The following SYT16 variants were observed in gnomAD, a reference collection of about 807,000 sequenced individuals.
SYT16 encodes synaptotagmin 16.
A neutral mutation model predicts 61.4 loss-of-function variants in SYT16; 42 were observed. The ratio of observed to expected loss-of-function variants is 0.68; its 90% CI spans 0.53 to 0.89. The LOEUF is 0.89. Ranked by LOEUF, SYT16 falls within the 40% of genes least tolerant of loss-of-function variation. The pLI is 0.00. For missense variants in SYT16, 804 were observed against 807.3 expected, an observed-to-expected ratio of 1.00 and a Z score of 0.05; for synonymous variants, 314 against 302.3, an observed-to-expected ratio of 1.04 and a Z score of -0.40.
At chr14:62,048,054 C>T (rs1404670647) in intron 3 of SYT16, among the ~76,000 whole-genome samples, 1 of 152,200 alleles carries the variant, frequency 6.6e-6, no homozygotes, top group Non-Finnish European at 1.5e-5. Context: ...AGGAATGGTA[C>T]CAGTTCCTCC....
At chr14:62,099,582 G>C (rs767736064) in intron 7 of SYT16, among the ~76,000 whole-genome samples, 6 of 152,182 alleles carry the variant, frequency 3.9e-5, no homozygotes, top group African/African-American at 4.8e-5. Context: ...GTATTCAGCT[G>C]GATCTCGAGT....
At chr14:61,928,732 G>T (rs568548887) in intron 1 of SYT16, among the ~76,000 whole-genome samples, 5 of 152,176 alleles carry the variant, frequency 3.3e-5, no homozygotes. Context: ...TAAGCACACC[G>T]GAGGTGTCTG....
intron 1 of SYT16, among the ~76,000 whole-genome samples, chr14:61,885,964 A>T (rs1390116994): frequency 1.2e-4 from 17 of 138,046 alleles, no homozygotes; most frequent in Non-Finnish European, 2.5e-4. Context: ...GGCTGTGGCA[A>T]TTTTTTTTTT....
chr14:61,943,239 A>G lies in SYT16; in HGVS notation c.-324-26893A>G, dbSNP rs111552657. 6.6e-3 allele frequency among the ~76,000 whole-genome samples: 998 copies of G among 152,330 alleles called. 13 individuals are homozygous for G. The highest frequency in any genetic ancestry group is 0.023 in the African/African-American group (940 of 41,572). ...AAGTTCTGAAATTGAGGTAGTAATT[A>G]ATAGCCTACCAACCAAAAAAAGCCC... On this transcript the variant is annotated intron_variant, in intron 1 of 7. Transcript: ENST00000683842.
chr14:62,081,795 T>G (rs1488166219), intron 6 of SYT16, among the ~76,000 whole-genome samples: 1 of 152,190 alleles, frequency 6.6e-6, no homozygotes. Context: ...TTTACATGCC[T>G]ACAGGATGGG....
intron 6 of SYT16, 66 bp downstream of exon 6, chr14:62,081,340 G>A: frequency 6.7e-7 from 1 of 1,483,132 alleles, no homozygotes; most frequent in Non-Finnish European, 9.1e-7. Context: ...GTCAGCCCTT[G>A]ATTTAGTACG....
intron 3 of SYT16, among the ~76,000 whole-genome samples, chr14:62,064,300 T>A (rs1472312216): frequency 7.6e-6 from 1 of 131,160 alleles, no homozygotes; most frequent in Admixed American, 8.5e-5. Flanking sequence ...GTAGCTGGGA[T>A]CTTGCAAATA....
chr14:62,107,038 G>T lies in SYT16; in HGVS notation c.*6331G>T, dbSNP rs2057526530. On this transcript the variant is annotated 3_prime_UTR_variant, in exon 8 of 8. Coordinates refer to ENST00000683842, the MANE Select transcript of SYT16 (RefSeq NM_001367656.1). The stretch of plus-strand genomic sequence containing the variant: ...ATGATGAGAAGGCTGACTTCCTATT[G>T]TATTGCCATATTTATGCATTATTTT... 2 of 151,484 alleles carry T rather than the reference G, an allele frequency of 1.3e-5. No homozygotes were observed. Among genetic ancestry groups the T allele is most frequent in the Non-Finnish European group, 2.9e-5 (2 of 67,900 alleles). 9.4% of individuals were successfully genotyped at this position (151,484 alleles called of 1,614,324 possible). A position where few individuals can be genotyped will look rare whatever the true frequency, so the allele number is the denominator to read the frequency against.
chr14:61,952,426 A>C (rs2050709629), intron 1 of SYT16, among the ~76,000 whole-genome samples: 1 of 152,122 alleles, frequency 6.6e-6, no homozygotes, highest in African/African-American at 2.4e-5. Context: ...CATCTCAACC[A>C]TTTTCATCAT....
Position 62,000,099 on chromosome 14 carries a change from A to ATTTTTTT in SYT16, c.523+3580_523+3586dup. On this transcript the variant is annotated intron_variant, in intron 3 of 7. Coordinates refer to ENST00000683842, the MANE Select transcript of SYT16 (RefSeq NM_001367656.1). ...TTTCTAATACTTATTTTGTCTCTCG[A>ATTTTTTT]TTTTTTTTTTTTTTTTTTTTTTTTT... Among the ~76,000 whole-genome samples the ATTTTTTT allele has an allele frequency of 2.8e-3, 53 of 18,910 alleles. 5 individuals carry two copies. The highest frequency in any genetic ancestry group is 0.01 in the African/African-American group (35 of 3,486). 12.4% of individuals were successfully genotyped at this position (18,910 alleles called of 152,430 possible).
At chr14:62,053,894 T>A (rs1014687246) in intron 3 of SYT16, among the ~76,000 whole-genome samples, 1 of 152,188 alleles carries the variant, frequency 6.6e-6, no homozygotes, top group Non-Finnish European at 1.5e-5. Flanking sequence ...TCGAGGTGCT[T>A]TTTGTGGAAC....
chr14:61,826,922 C>T (rs1170122831), intron 1 of SYT16, among the ~76,000 whole-genome samples: 1 of 151,880 alleles, frequency 6.6e-6, no homozygotes, highest in African/African-American at 2.4e-5. Flanking sequence ...CTTTCCGTGT[C>T]CTTACCAGGG....
At chr14:61,867,105 A>G (rs765995697) in intron 1 of SYT16, among the ~76,000 whole-genome samples, 1 of 151,692 alleles carries the variant, frequency 6.6e-6, no homozygotes, top group African/African-American at 2.4e-5. Context: ...TCATTGTTCT[A>G]TGTGTCTATC....
chr14:62,031,437 A>G (rs1192281616), intron 3 of SYT16, among the ~76,000 whole-genome samples: 1 of 152,208 alleles, frequency 6.6e-6, no homozygotes, highest in Non-Finnish European at 1.5e-5. Context: ...TTCATTTGAA[A>G]GGCAAATAGC....
At chr14:62,050,092 G>A (rs924831208) in intron 3 of SYT16, among the ~76,000 whole-genome samples, 4 of 152,284 alleles carry the variant, frequency 2.6e-5, no homozygotes, top group East Asian at 1.9e-4. Flanking sequence ...CATTCTGCCC[G>A]TCACTTTCAG....
chr14:61,864,796 C>T (rs750031381), intron 1 of SYT16: 46 of 946,374 alleles, frequency 4.9e-5, no homozygotes, highest in Non-Finnish European at 7.6e-5. Flanking sequence ...TCTGCCAGCG[C>T]CTGGAGGGCT....
intron 1 of SYT16, among the ~76,000 whole-genome samples, chr14:61,868,042 G>C (rs2047215623): frequency 6.6e-6 from 1 of 151,886 alleles, no homozygotes; most frequent in Non-Finnish European, 1.5e-5. Flanking sequence ...CTTTTAGGTT[G>C]GGTTTCTTTG....
At chr14:61,954,039 G>A (rs1190702598) in intron 1 of SYT16, among the ~76,000 whole-genome samples, 1 of 152,132 alleles carries the variant, frequency 6.6e-6, no homozygotes, top group Non-Finnish European at 1.5e-5. Flanking sequence ...TCAGGTTAAT[G>A]GATACTCAAA....
chr14:62,036,575 C>T (rs1352713996), intron 3 of SYT16, among the ~76,000 whole-genome samples: 4 of 152,120 alleles, frequency 2.6e-5, no homozygotes, highest in Non-Finnish European at 5.9e-5. Context: ...GAAAGAGTTT[C>T]AATGGACTCA....
Sources: gnomAD v4.1 joint callset for allele counts (sites outside exome capture counted in the v4.1 genomes callset) on GRCh38, gnomAD v4.1.1 for gene constraint, MANE v1.5 for transcripts, NCBI Gene and HGNC (gene_info 2026-07-23, HGNC 2026-07-21) for gene names.